Variants in PRAC2 observed in about 807,000 individuals in gnomAD.
PRAC2 encodes the protein protein PRAC2.
For missense variants in PRAC2, 92 were observed against 114.5 expected, an observed-to-expected ratio of 0.80 and a Z score of 0.90; for synonymous variants, 43 against 49.5, an observed-to-expected ratio of 0.87 and a Z score of 0.55.
upstream of PRAC2, among the ~76,000 whole-genome samples, chr17:48,720,969 A>G (rs1315881893): frequency 6.6e-6 from 1 of 152,044 alleles, no homozygotes; most frequent in Admixed American, 6.6e-5. Flanking sequence ...CAAGTAACTT[A>G]CCCTCTTAGT....
intron 1 of PRAC2, 67 bp downstream of exon 1, chr17:48,723,380 G>A (rs1467310316): frequency 1.4e-5 from 4 of 278,106 alleles, no homozygotes; most frequent in African/African-American, 2.2e-5. Flanking sequence ...GACGGGTTGG[G>A]GCCGGGGGGC....
chr17:48,719,779 T>C (rs900925603), upstream of PRAC2, among the ~76,000 whole-genome samples: 4 of 152,134 alleles, frequency 2.6e-5, no homozygotes, highest in Non-Finnish European at 4.4e-5. Flanking sequence ...AGAATCCGGC[T>C]TTTAGCTGCA....
upstream of PRAC2, chr17:48,722,644 C>G: frequency 2.0e-6 from 1 of 497,794 alleles, no homozygotes; most frequent in African/African-American, 1.9e-5. Flanking sequence ...AGTGTCTCCT[C>G]CCAGCAGCCT....
At chr17:48,720,344 T>A (rs976470531), upstream of PRAC2, among the ~76,000 whole-genome samples, 5 of 152,230 alleles carry the variant, frequency 3.3e-5, no homozygotes, top group African/African-American at 1.2e-4. Flanking sequence ...ACCGTCCTTC[T>A]ATCCACCGCG....
chr17:48,718,852 G>A (rs922640762), upstream of PRAC2, among the ~76,000 whole-genome samples: 2 of 152,220 alleles, frequency 1.3e-5, no homozygotes, highest in Non-Finnish European at 2.9e-5. Flanking sequence ...AGGACAGGGA[G>A]AGCATTATCT....
In PRAC2 at chr17:48,723,313, G is replaced by A. The variant is rs1483053088; in HGVS notation, c.-84G>A. ...CCTCCGGGCTTTATTGCAAGTTTAC[G>A]GTAACGAGTTCATCTATTTAATTCG... On this transcript the variant is annotated splice_region_variant and 5_prime_UTR_variant, in exon 1 of 2. Transcript: ENST00000422730. The A allele has an allele frequency of 1.1e-5, 2 of 179,504 alleles. No homozygotes were observed. Among genetic ancestry groups the A allele is most frequent in the Non-Finnish European group, 2.3e-5 (2 of 86,740 alleles). The allele number at this position is 179,504 out of a possible 1,614,324, so 11.1% of individuals were successfully genotyped here.
At chr17:48,723,865 T>A (rs1235818552) in intron 1 of PRAC2, 12 of 969,592 alleles carry the variant, frequency 1.2e-5, no homozygotes, top group Non-Finnish European at 1.6e-5. Context: ...ATTTCGGGCC[T>A]GGAGCCCGCG....
At chr17:48,723,643 C>A in intron 1 of PRAC2, 1 of 1,161,418 alleles carries the variant, frequency 8.6e-7, no homozygotes, top group Non-Finnish European at 1.1e-6. Context: ...GGCGGATTCT[C>A]GGCTGGCGGC....
At chr17:48,723,843 G>A in intron 1 of PRAC2, 1 of 1,133,168 alleles carries the variant, frequency 8.8e-7, no homozygotes, top group Non-Finnish European at 1.1e-6. Flanking sequence ...ACTTGCTTTG[G>A]AGTTAGAAAT....
chr17:48,719,212 A>ACACAC (rs2038121894), upstream of PRAC2, among the ~76,000 whole-genome samples: 3 of 141,032 alleles, frequency 2.1e-5, no homozygotes, highest in East Asian at 4.2e-4. Flanking sequence ...CTCGCACACA[A>ACACAC]ACACACACAC....
chr17:48,719,313 G>A (rs2038123778), upstream of PRAC2, among the ~76,000 whole-genome samples: 1 of 152,204 alleles, frequency 6.6e-6, no homozygotes, highest in South Asian at 2.1e-4. Context: ...GGGTCGCCTG[G>A]AAAGACGCGC....
chr17:48,719,049 C>T (rs1024027056), upstream of PRAC2, among the ~76,000 whole-genome samples: 6 of 152,208 alleles, frequency 3.9e-5, no homozygotes, highest in African/African-American at 9.6e-5. Context: ...AAGCGCCCCA[C>T]GCCAGACGGA....
At chr17:48,719,553 C>A (rs1304859592), upstream of PRAC2, among the ~76,000 whole-genome samples, 3 of 152,234 alleles carry the variant, frequency 2.0e-5, no homozygotes, top group Non-Finnish European at 2.9e-5. Context: ...CGGCGACGGC[C>A]TCGTTACGAC....
At chr17:48,721,882 T>C (rs1386115932), upstream of PRAC2, 1 of 1,524,470 alleles carries the variant, frequency 6.6e-7, no homozygotes. Context: ...CCAGTAGATG[T>C]TTCAAAGTAG....
At chr17:48,723,543 C>T in intron 1 of PRAC2, 1 of 439,332 alleles carries the variant, frequency 2.3e-6, no homozygotes, top group Non-Finnish European at 3.8e-6. Context: ...ACTGGGGGGC[C>T]TGGATGAGGC....
upstream of PRAC2, chr17:48,721,974 C>T (rs903395721): frequency 2.9e-6 from 4 of 1,395,306 alleles, no homozygotes; most frequent in Non-Finnish European, 2.9e-6. Context: ...TATGCCAGGA[C>T]TCCATCCCAT....
upstream of PRAC2, among the ~76,000 whole-genome samples, chr17:48,719,467 G>T (rs1356843170): frequency 6.6e-6 from 1 of 152,172 alleles, no homozygotes; most frequent in Non-Finnish European, 1.5e-5. Context: ...CCTGGTAGCA[G>T]CCAGGGATCG....
At chr17:48,723,926 G>T (rs2038174382) in intron 1 of PRAC2, among the ~76,000 whole-genome samples, 1 of 152,208 alleles carries the variant, frequency 6.6e-6, no homozygotes, top group Non-Finnish European at 1.5e-5. Context: ...GATTCGCTGC[G>T]GGAGTTTGGC....
At position 48,724,483 on chromosome 17, in the gene PRAC2, C is replaced by T. The variant is rs909926409; in HGVS notation, c.73C>T (p.Leu25Phe). ...CGCCTTCTTCTTCCATTCGAGATGG[C>T]TCGTACCGAACCTCCTTGCCTTCTT... ...PTAFFFHSRW[L>F]VPNLLAFFLG... The change falls in exon 2 of 2, where the codon CTC becomes TTC. Residue 25 changes from leucine to phenylalanine, a missense_variant. By Grantham distance (22) the Leu-to-Phe change is conservative. Transcript: ENST00000422730. The T allele has an allele frequency of 2.4e-6, 3 of 1,234,092 alleles. No homozygotes were observed. In the African/African-American group the frequency reaches 4.7e-5, roughly 19 times the overall value. The allele number at this position is 1,234,092 out of a possible 1,614,324, so 76.4% of individuals were successfully genotyped here.
Sources: allele counts gnomAD v4.1 joint callset (sites outside exome capture counted in the v4.1 genomes callset), GRCh38; gene constraint gnomAD v4.1.1; transcripts MANE v1.5; gene names NCBI Gene and HGNC (gene_info 2026-07-23, HGNC 2026-07-21).